The following PTPRD variants were observed in gnomAD, a reference collection of about 807,000 sequenced individuals.
PTPRD encodes the protein receptor-type tyrosine-protein phosphatase delta.
PTPRD carries 34 observed loss-of-function variants against 214.5 expected under a neutral mutation model. The observed-to-expected ratio is 0.16, with a 90% CI of 0.12 to 0.21. PTPRD has a LOEUF of 0.21. Among genes scored for constraint, PTPRD ranks in the 10% least tolerant of loss-of-function variants. The pLI, the probability that PTPRD is intolerant of heterozygous loss-of-function variation, is 1.00. For missense variants in PTPRD, 2,545 were observed against 2,398.7 expected, an observed-to-expected ratio of 1.06 and a Z score of -1.27; for synonymous variants, 1,128 against 845.7, an observed-to-expected ratio of 1.33 and a Z score of -5.79.
intron 5 of PTPRD, among the ~76,000 whole-genome samples, chr9:9,872,392 G>A (rs1370388744): frequency 6.6e-6 from 1 of 151,876 alleles, no homozygotes; most frequent in Non-Finnish European, 1.5e-5. Context: ...TTGAGCATAG[G>A]AGTTTGAGAC....
intron 22 of PTPRD, among the ~76,000 whole-genome samples, 158 bp downstream of exon 22, chr9:8,507,142 TG>T (rs957138447): frequency 2.2e-4 from 33 of 151,924 alleles, no homozygotes; most frequent in African/African-American, 8.0e-4. Context: ...GGGTTTTTCT[TG>T]GGGGGGAGGG....
At chr9:9,518,901 C>T (rs1219984072) in intron 8 of PTPRD, among the ~76,000 whole-genome samples, 1 of 151,958 alleles carries the variant, frequency 6.6e-6, no homozygotes, top group African/African-American at 2.4e-5. Context: ...GATTAATTTG[C>T]TCTCTCTTCT....
rs188639251 is a variant in PTPRD at position 9,223,753 on chromosome 9, C to T, written c.-202-40390G>A. ...GCATTGACAATGCAAATCAAATGCA[C>T]GTGGTTTAATTATAATTGAGTATTA... On this transcript the variant is annotated intron_variant, in intron 9 of 45. Transcript: ENST00000381196. 1.5e-3 allele frequency among the ~76,000 whole-genome samples: 221 copies of T among 151,880 alleles called. 2 individuals are homozygous for T. The highest frequency in any genetic ancestry group is 4.6e-3 in the African/African-American group (189 of 41,446).
intron 11 of PTPRD, among the ~76,000 whole-genome samples, chr9:8,804,040 C>T (rs1178754611): frequency 6.6e-6 from 1 of 152,000 alleles, no homozygotes; most frequent in Non-Finnish European, 1.5e-5. Context: ...GCAACTTCTG[C>T]CCCCTGGGTT....
chr9:9,697,000 T>C (rs1268982708), intron 7 of PTPRD, among the ~76,000 whole-genome samples: 1 of 152,054 alleles, frequency 6.6e-6, no homozygotes, highest in African/African-American at 2.4e-5. Context: ...CATATAAAAA[T>C]TTTATTTTAA....
intron 4 of PTPRD, among the ~76,000 whole-genome samples, chr9:9,979,988 A>G (rs115268075): frequency 0.012 from 1,885 of 152,310 alleles, 44 homozygotes; most frequent in African/African-American, 0.043. Context: ...TGTATTAATA[A>G]TCCACATGTG....
intron 14 of PTPRD, among the ~76,000 whole-genome samples, chr9:8,537,431 A>G (rs2077225045): frequency 6.6e-6 from 1 of 152,040 alleles, no homozygotes; most frequent in African/African-American, 2.4e-5. Flanking sequence ...TATGAACAAG[A>G]TACAAAAATT....
chr9:9,657,287 G>C (rs553879575), intron 7 of PTPRD, among the ~76,000 whole-genome samples: 1 of 151,928 alleles, frequency 6.6e-6, no homozygotes, highest in Non-Finnish European at 1.5e-5. Context: ...AAAAAAAAAG[G>C]TCATGTCCTT....
At chr9:8,804,978 C>T (rs906519272) in intron 11 of PTPRD, among the ~76,000 whole-genome samples, 2 of 152,206 alleles carry the variant, frequency 1.3e-5, no homozygotes, top group South Asian at 2.1e-4. Flanking sequence ...TCTATTTCTG[C>T]TGTAACAGAG....
At chr9:10,412,356 T>C (rs554242033) in intron 2 of PTPRD, among the ~76,000 whole-genome samples, 8 of 151,838 alleles carry the variant, frequency 5.3e-5, no homozygotes, top group African/African-American at 1.9e-4. Flanking sequence ...CTTCTAAGAC[T>C]GAATCAGAAA....
chr9:9,445,213 T>C (rs1464733588), intron 8 of PTPRD, among the ~76,000 whole-genome samples: 4 of 152,176 alleles, frequency 2.6e-5, no homozygotes, highest in South Asian at 4.1e-4. Flanking sequence ...TCTGTCTCTA[T>C]GAGAATCCTA....
At chr9:9,494,663 A>T (rs566596025) in intron 8 of PTPRD, among the ~76,000 whole-genome samples, 59 of 149,742 alleles carry the variant, frequency 3.9e-4, no homozygotes, top group African/African-American at 1.3e-3. Context: ...TGTTGAGAGA[A>T]GTTTTCAGAA....
At chr9:9,308,749 G>GGATATTTAATATTAAAATGGATAA in intron 9 of PTPRD, among the ~76,000 whole-genome samples, 1 of 152,170 alleles carries the variant, frequency 6.6e-6, no homozygotes, top group East Asian at 1.9e-4. Context: ...TGGATATTTT[G>GGATATTTAATATTAAAATGGATAA]ATACAATTTA....
Position 9,801,930 on chromosome 9 carries a change from G to T in PTPRD, c.-367-35079C>A, listed in dbSNP as rs1158608196. On this transcript the variant is annotated intron_variant, in intron 5 of 45. Coordinates refer to ENST00000381196, the MANE Select transcript of PTPRD (RefSeq NM_002839.4). ...AATACTATAATGATAACAAATAAAG[G>T]TTATTGTTCTGTTTATACAAGAATG... Among the ~76,000 whole-genome samples the T allele has an allele frequency of 3.3e-5, 5 of 152,066 alleles. No individual in the cohort carries two copies. In the East Asian group the frequency reaches 9.7e-4, roughly 29 times the overall value.
chr9:10,171,905 G>T (rs1405509932), intron 3 of PTPRD, among the ~76,000 whole-genome samples: 2 of 152,136 alleles, frequency 1.3e-5, no homozygotes, highest in African/African-American at 4.8e-5. Context: ...ATAGTAGGCA[G>T]TAGAAAGGAC....
intron 4 of PTPRD, among the ~76,000 whole-genome samples, chr9:9,991,872 G>T (rs2095945346): frequency 7.3e-6 from 1 of 136,350 alleles, no homozygotes; most frequent in Admixed American, 7.4e-5. Context: ...ACACACACGA[G>T]TTCCAAATGG....
intron 5 of PTPRD, among the ~76,000 whole-genome samples, chr9:9,784,217 G>A (rs1455024206): frequency 2.0e-5 from 3 of 151,972 alleles, no homozygotes; most frequent in East Asian, 1.9e-4. Flanking sequence ...AGGAAGAGCT[G>A]TACAAAGGAT....
chr9:9,104,084 C>G (rs2099795125), intron 10 of PTPRD, among the ~76,000 whole-genome samples: 1 of 151,964 alleles, frequency 6.6e-6, no homozygotes, highest in South Asian at 2.1e-4. Flanking sequence ...CAAAAAGGAC[C>G]ATCAGATATA....
chr9:8,684,331 C>G (rs1789607003), intron 12 of PTPRD, among the ~76,000 whole-genome samples: 1 of 152,192 alleles, frequency 6.6e-6, no homozygotes, highest in Non-Finnish European at 1.5e-5. Flanking sequence ...TGTAAGCCAT[C>G]TCTATTTTAC....
Sources: gnomAD v4.1 joint callset for allele counts (sites outside exome capture counted in the v4.1 genomes callset) on GRCh38, gnomAD v4.1.1 for gene constraint, MANE v1.5 for transcripts, NCBI Gene and HGNC (gene_info 2026-07-23, HGNC 2026-07-21) for gene names.